The following ARHGEF10 variants were observed in gnomAD, a reference collection of about 807,000 sequenced individuals.
ARHGEF10 encodes Rho guanine nucleotide exchange factor (GEF) 10.
ARHGEF10 carries 140 observed loss-of-function variants against 147.4 expected under a neutral mutation model. That is an observed-to-expected ratio of 0.95 (90% confidence interval 0.83 to 1.09). The LOEUF (loss-of-function observed/expected upper bound fraction) is 1.09. ARHGEF10 is among the 50% of genes least tolerant of loss of function. ARHGEF10 has a pLI of 0.00. For synonymous variants in ARHGEF10, 902 were observed against 695.8 expected (o/e 1.30, Z -4.67); for missense variants, 2,222 against 1,752.7 (o/e 1.27, Z -4.78).
At chr8:1,884,433 A>C (rs906680043) in intron 10 of ARHGEF10, among the ~76,000 whole-genome samples, 24 of 151,628 alleles carry the variant, frequency 1.6e-4, no homozygotes, top group African/African-American at 5.6e-4. Context: ...CTAACCTCCC[A>C]ACCCGAGTTT....
intron 1 of ARHGEF10, among the ~76,000 whole-genome samples, chr8:1,835,411 C>T (rs1301975853): frequency 6.6e-6 from 1 of 152,112 alleles, no homozygotes; most frequent in Non-Finnish European, 1.5e-5. Context: ...CTGGGAAGTG[C>T]TGGGCTGGGG....
At chr8:1,840,623 T>C (rs954093058) in intron 1 of ARHGEF10, among the ~76,000 whole-genome samples, 5 of 150,838 alleles carry the variant, frequency 3.3e-5, no homozygotes, top group Non-Finnish European at 7.4e-5. Flanking sequence ...GGAAGCTGTC[T>C]GGTTTGGGGA....
rs531798704 is a variant in ARHGEF10, at chr8:1,834,698, G to A, written c.-47-8655G>A. On this transcript the variant is annotated intron_variant, in intron 1 of 28. Coordinates refer to ENST00000349830, the MANE Select transcript of ARHGEF10 (RefSeq NM_014629.4). ...TTGGCTTGCTGCGGTGTTTGGTTGA[G>A]TTAACCATGACATTCCAGAAGGACT... Among the ~76,000 whole-genome samples, 7 of 152,336 alleles carry A rather than the reference G, an allele frequency of 4.6e-5. No homozygotes were observed. In the East Asian group the frequency reaches 1.3e-3, roughly 29 times the overall value.
intron 7 of ARHGEF10, among the ~76,000 whole-genome samples, chr8:1,874,760 C>T (rs1286914363): frequency 6.8e-6 from 1 of 146,188 alleles, no homozygotes; most frequent in African/African-American, 2.6e-5. Context: ...GCTGGAGGAA[C>T]AGTGGAGACA....
rs3758007 is a variant in ARHGEF10, at chr8:1,897,438, G to T, written c.1557+989G>T. Among the ~76,000 whole-genome samples, 17 of 149,888 alleles carry T rather than the reference G, an allele frequency of 1.1e-4. No individual in the cohort carries two copies. In the East Asian group the frequency reaches 3.0e-3, roughly 26 times the overall value. ...GGGCTCTGTCCTAAGGGATCGGATC[G>T]CAGTTCCCACTCTCGACAGTTGTGG... is the stretch of plus-strand genomic sequence containing the variant. On this transcript the variant is annotated intron_variant, in intron 14 of 28. Coordinates refer to ENST00000349830, the MANE Select transcript of ARHGEF10 (RefSeq NM_014629.4).
intron 7 of ARHGEF10, chr8:1,869,489 G>GT (rs34413327): frequency 0.27 from 172,825 of 639,436 alleles, 25,362 homozygotes; most frequent in East Asian, 0.52. Context: ...AAACAGAGGA[G>GT]TAAAGGTACA....
At chr8:1,841,240 G>T (rs938529051) in intron 1 of ARHGEF10, among the ~76,000 whole-genome samples, 1 of 138,944 alleles carries the variant, frequency 7.2e-6, no homozygotes, top group Non-Finnish European at 1.6e-5. Context: ...TGGCGAGGTG[G>T]ACCTAAAAGG....
At chr8:1,839,918 C>CTGGTGTGGAAG (rs1803875685) in intron 1 of ARHGEF10, among the ~76,000 whole-genome samples, 1 of 146,530 alleles carries the variant, frequency 6.8e-6, no homozygotes, top group African/African-American at 2.6e-5. Flanking sequence ...TGGGGACTGT[C>CTGGTGTGGAAG]CGGTGTGGGG....
chr8:1,938,992 G>A (rs1462007027), intron 26 of ARHGEF10, among the ~76,000 whole-genome samples: 12 of 115,912 alleles, frequency 1.0e-4, no homozygotes, highest in African/African-American at 3.5e-4. Context: ...AGAGACCCCC[G>A]AACACTGTTG....
chr8:1,840,528 G>C (rs397759242), intron 1 of ARHGEF10, among the ~76,000 whole-genome samples: 4 of 148,874 alleles, frequency 2.7e-5, no homozygotes, highest in African/African-American at 7.4e-5. Flanking sequence ...GAATCTGTCC[G>C]GTGTGGGGAC....
chr8:1,910,114 G>A lies in ARHGEF10; in HGVS notation c.2143+644G>A, dbSNP rs534220644. On this transcript the variant is annotated intron_variant, in intron 18 of 28. Coordinates refer to ENST00000349830, the MANE Select transcript of ARHGEF10 (RefSeq NM_014629.4). ...TTATTAAAAAAAAAATCCAAAGAAC[G>A]ACTGGCTAAGTTTTATTCACTTTTT... is the stretch of plus-strand genomic sequence containing the variant. 9.5e-4 allele frequency among the ~76,000 whole-genome samples: 145 copies of A among 151,848 alleles called. 2 individuals carry two copies. Among genetic ancestry groups the A allele is most frequent in the African/African-American group, 1.3e-3 (54 of 41,376 alleles).
rs1187645612 is a variant in ARHGEF10 at position 1,876,429 on chromosome 8, CG to C, written c.680-138del. 3.4e-6 allele frequency: 3 copies of C among 885,032 alleles called. No homozygotes were observed. The African/African-American group carries it at 5.0e-5, about 15-fold the overall frequency. The allele number at this position is 885,032 out of a possible 1,614,324, so 54.8% of individuals were successfully genotyped here. On this transcript the variant is annotated intron_variant, in intron 7 of 28. Transcript: ENST00000349830. The stretch of plus-strand genomic sequence containing the variant: ...CACGGTGCCTTCCATGGAGCAAGCC[CG>C]GGGCTCCGCAGGGTCCTCAGCATGA...
rs1038693891 is a variant in ARHGEF10, at chr8:1,895,227, C to T, written c.1440+655C>T. ...TGGCAGTTTCGAGTCATTTTATCCT[C>T]ACTCCGTGTATGAATCATACTTATT... On this transcript the variant is annotated intron_variant, in intron 13 of 28. Transcript: ENST00000349830. 2.6e-5 allele frequency among the ~76,000 whole-genome samples: 4 copies of T among 152,186 alleles called. No homozygotes were observed. In the East Asian group the frequency reaches 5.8e-4, roughly 22 times the overall value.
At chr8:1,916,673 C>T (rs1387933455) in intron 18 of ARHGEF10, among the ~76,000 whole-genome samples, 1 of 152,158 alleles carries the variant, frequency 6.6e-6, no homozygotes, top group Non-Finnish European at 1.5e-5. Context: ...TTTCTCTATA[C>T]TTTCCATGTT....
At chr8:1,950,581 G>A (rs1814950548) in intron 27 of ARHGEF10, among the ~76,000 whole-genome samples, 1 of 151,866 alleles carries the variant, frequency 6.6e-6, no homozygotes, top group Non-Finnish European at 1.5e-5. Context: ...TGCCCAGGCT[G>A]GAGTGCAGTG....
chr8:1,923,309 C>A, intron 19 of ARHGEF10, 159 bp from the exon 20 acceptor site: 1 of 1,137,092 alleles, frequency 8.8e-7, no homozygotes, highest in Non-Finnish European at 1.3e-6. Context: ...ATGTCTCAGC[C>A]CCCCACAGTG....
chr8:1,864,474 G>T (rs372964123), intron 5 of ARHGEF10, 38 bp downstream of exon 5: 1 of 1,595,188 alleles, frequency 6.3e-7, no homozygotes. Flanking sequence ...CTGAATTCCC[G>T]CCTTTCTCCT....
intron 2 of ARHGEF10, among the ~76,000 whole-genome samples, chr8:1,844,358 A>G (rs1351825565): frequency 2.0e-5 from 3 of 152,094 alleles, no homozygotes; most frequent in Non-Finnish European, 2.9e-5. Context: ...GGTAGATGAC[A>G]AAGACAGGAG....
chr8:1,833,572 T>A (rs546161984), intron 1 of ARHGEF10, among the ~76,000 whole-genome samples: 5 of 152,162 alleles, frequency 3.3e-5, no homozygotes, highest in Non-Finnish European at 7.4e-5. Flanking sequence ...TGGCGCCCTG[T>A]TACCGCCTCC....
Sources: allele counts gnomAD v4.1 joint callset (sites outside exome capture counted in the v4.1 genomes callset), GRCh38; gene constraint gnomAD v4.1.1; transcripts MANE v1.5; gene names NCBI Gene and HGNC (gene_info 2026-07-23, HGNC 2026-07-21).